RNGTT: variants seen among roughly 807,000 people sequenced by gnomAD.
RNGTT encodes the protein mRNA-capping enzyme.
A neutral mutation model predicts 79.3 loss-of-function variants in RNGTT; 33 were observed. That is an observed-to-expected ratio of 0.42 (90% CI 0.32 to 0.56). The LOEUF (loss-of-function observed/expected upper bound fraction) is 0.56. RNGTT is among the 20% of genes least tolerant of loss of function. The pLI, the probability that RNGTT is intolerant of heterozygous loss-of-function variation, is 0.17. For missense variants in RNGTT, 497 were observed against 739.1 expected, an observed-to-expected ratio of 0.67 and a Z score of 3.80; for synonymous variants, 222 against 235.9, an observed-to-expected ratio of 0.94 and a Z score of 0.54.
intron 1 of RNGTT, among the ~76,000 whole-genome samples, chr6:88,948,191 GC>G (rs1562075211): frequency 5.7e-5 from 1 of 17,456 alleles, no homozygotes; most frequent in African/African-American, 2.8e-4. Context: ...GGGGGGGTCA[GC>G]CCCCCCGCCC....
chr6:88,886,508 G>A (rs774614369), intron 8 of RNGTT, among the ~76,000 whole-genome samples: 17 of 152,094 alleles, frequency 1.1e-4, no homozygotes, highest in Non-Finnish European at 1.9e-4. Flanking sequence ...TAACATTTGA[G>A]GAATCTGGTT....
At chr6:88,900,148 T>C (rs1008369525) in intron 6 of RNGTT, among the ~76,000 whole-genome samples, 2 of 145,982 alleles carry the variant, frequency 1.4e-5, no homozygotes, top group Non-Finnish European at 3.0e-5. Flanking sequence ...AAAAAAAAAC[T>C]ATAATTGACT....
intron 8 of RNGTT, among the ~76,000 whole-genome samples, chr6:88,869,536 T>C (rs573833472): frequency 6.6e-6 from 1 of 152,168 alleles, no homozygotes; most frequent in South Asian, 2.1e-4. Context: ...ATGACTTGAG[T>C]TTGGGTTACA....
intron 14 of RNGTT, among the ~76,000 whole-genome samples, chr6:88,652,457 G>A (rs1773832402): frequency 6.6e-6 from 1 of 152,076 alleles, no homozygotes; most frequent in South Asian, 2.1e-4. Flanking sequence ...TAGATTTACT[G>A]GAATACATCT....
chr6:88,619,152 T>C (rs112948696), intron 14 of RNGTT, among the ~76,000 whole-genome samples: 4,568 of 152,032 alleles, frequency 0.03, 233 homozygotes, highest in African/African-American at 0.1. Context: ...TCCATGGGGC[T>C]CCCTACCACA....
intron 14 of RNGTT, among the ~76,000 whole-genome samples, chr6:88,617,270 C>CA (rs1296080390): frequency 1.3e-5 from 2 of 151,380 alleles, no homozygotes; most frequent in East Asian, 1.9e-4. Context: ...ACTCCATCTC[C>CA]AAAAAAAAGA....
Position 88,610,558 on chromosome 6 carries a change from TC to T in RNGTT, c.*2160del, listed in dbSNP as rs1372944667. 1 of 152,180 alleles carries T rather than the reference TC, an allele frequency of 6.6e-6. No homozygotes were observed. The highest frequency in any genetic ancestry group is 6.5e-5 in the Admixed American group (1 of 15,272). 9.4% of individuals were successfully genotyped at this position (152,180 alleles called of 1,614,324 possible). ...TGTCCAAAATCCTGCCTCTAGATTA[TC>T]CCCCTGACCTTCTAAATGACTTTTA... On this transcript the variant is annotated 3_prime_UTR_variant, in exon 16 of 16. Transcript: ENST00000369485.
chr6:88,675,163 A>G (rs1022540786), intron 14 of RNGTT, among the ~76,000 whole-genome samples: 3 of 152,044 alleles, frequency 2.0e-5, no homozygotes, highest in Admixed American at 1.3e-4. Context: ...ACAAAAAAAA[A>G]CTGAGTGTCT....
chr6:88,930,577 G>A (rs138594173), intron 2 of RNGTT, among the ~76,000 whole-genome samples: 359 of 151,998 alleles, frequency 2.4e-3, no homozygotes, highest in Non-Finnish European at 3.7e-3. Context: ...TCTGTAAAAC[G>A]AACGCATATA....
At chr6:88,797,941 C>CAAAAA (rs143559265) in intron 12 of RNGTT, among the ~76,000 whole-genome samples, 3 of 65,808 alleles carry the variant, frequency 4.6e-5, no homozygotes, top group African/African-American at 1.7e-4. Context: ...AAGCAAAAGC[C>CAAAAA]AAAAAAAAAA....
At chr6:88,832,149 A>G (rs186435067) in intron 11 of RNGTT, among the ~76,000 whole-genome samples, 1 of 152,352 alleles carries the variant, frequency 6.6e-6, no homozygotes, top group African/African-American at 2.4e-5. Context: ...CTAAGCAAAA[A>G]GAACAAAGCT....
intron 6 of RNGTT, among the ~76,000 whole-genome samples, chr6:88,900,373 T>C (rs1368657578): frequency 6.6e-6 from 1 of 152,104 alleles, no homozygotes; most frequent in Non-Finnish European, 1.5e-5. Context: ...TAAAATTAAG[T>C]AGTCAATGGA....
chr6:88,697,945 C>T (rs539673059), intron 13 of RNGTT, among the ~76,000 whole-genome samples: 2 of 95,264 alleles, frequency 2.1e-5, no homozygotes, highest in South Asian at 5.9e-4. Context: ...ATATGAAATA[C>T]ATATATATGA....
intron 12 of RNGTT, among the ~76,000 whole-genome samples, chr6:88,791,140 CTTTT>C (rs66559856): frequency 1.7e-5 from 2 of 120,802 alleles, no homozygotes; most frequent in African/African-American, 3.0e-5. Context: ...TCACAAGTAC[CTTTT>C]TTTTTTTTTT....
chr6:88,879,110 T>G (rs923235430), intron 8 of RNGTT, among the ~76,000 whole-genome samples: 2 of 151,992 alleles, frequency 1.3e-5, no homozygotes, highest in Non-Finnish European at 2.9e-5. Context: ...ATAAAAACCT[T>G]TAGAGACCAG....
intron 13 of RNGTT, among the ~76,000 whole-genome samples, chr6:88,717,352 C>T (rs1049588794): frequency 6.6e-6 from 1 of 152,182 alleles, no homozygotes; most frequent in Admixed American, 6.5e-5. Context: ...ATTTTACTCA[C>T]CTCTTCCTTT....
intron 4 of RNGTT, among the ~76,000 whole-genome samples, chr6:88,918,169 A>T (rs1169760850): frequency 2.0e-5 from 3 of 152,070 alleles, no homozygotes; most frequent in Non-Finnish European, 2.9e-5. Context: ...AATAAAATTT[A>T]AAAAATAGCC....
chr6:88,890,735 C>T lies in RNGTT; in HGVS notation c.795-139G>A, dbSNP rs545502464. ...GATTAATGTCAGCTGGAATAACATC[C>T]GCTTTCACAAAAATACTAATAAAAG... is the stretch of plus-strand genomic sequence containing the variant. On this transcript the variant is annotated intron_variant, in intron 7 of 15. Transcript: ENST00000369485. The T allele has an allele frequency of 9.4e-5, 47 of 500,530 alleles. 1 individual carries two copies. The highest frequency in any genetic ancestry group is 5.8e-4 in the South Asian group (14 of 24,318). 31.0% of individuals were successfully genotyped at this position (500,530 alleles called of 1,614,324 possible).
At chr6:88,905,310 G>C (rs1240221553) in intron 5 of RNGTT, among the ~76,000 whole-genome samples, 1 of 152,162 alleles carries the variant, frequency 6.6e-6, no homozygotes, top group Non-Finnish European at 1.5e-5. Flanking sequence ...AAAGCATATT[G>C]ATTTTACAGG....
Sources: allele counts gnomAD v4.1 joint callset (sites outside exome capture counted in the v4.1 genomes callset), GRCh38; gene constraint gnomAD v4.1.1; transcripts MANE v1.5; gene names NCBI Gene and HGNC (gene_info 2026-07-23, HGNC 2026-07-21).